The following NAA15 variants were observed in gnomAD, a reference collection of about 807,000 sequenced individuals.
NAA15 encodes N-alpha-acetyltransferase 15, NatA auxiliary subunit.
A neutral mutation model predicts 114.0 loss-of-function variants in NAA15; 34 were observed. The observed-to-expected ratio is 0.30, with a 90% CI of 0.23 to 0.40. The LOEUF is 0.40. Among genes scored for constraint, NAA15 ranks in the 10% least tolerant of loss-of-function variants. The pLI is 1.00. For missense variants in NAA15, 658 were observed against 1,004.5 expected (o/e 0.66, Z 4.66); for synonymous variants, 340 against 338.0 (o/e 1.01, Z -0.06).
intron 13 of NAA15, among the ~76,000 whole-genome samples, chr4:139,360,954 GTTCA>G (rs1270768191): frequency 6.6e-6 from 1 of 152,080 alleles, no homozygotes; most frequent in African/African-American, 2.4e-5. Context: ...CTAGGACCCT[GTTCA>G]TTGTAGAATT....
Position 139,351,511 on chromosome 4 carries a change from A to C in NAA15, c.914A>C (p.Lys305Thr). 1.9e-6 allele frequency: 3 copies of C among 1,579,636 alleles called. No individual in the cohort carries two copies. Among genetic ancestry groups the C allele is most frequent in the Non-Finnish European group, 2.6e-6 (3 of 1,150,138 alleles). Residue 305 changes from lysine (K) to threonine (T), a missense_variant, in exon 9 of 20, where the codon AAG (lysine) becomes ACG (threonine). Lys to Thr is a moderately conservative substitution (Grantham distance 78). Coordinates refer to ENST00000296543, the MANE Select transcript of NAA15 (RefSeq NM_057175.5). Reference protein sequence around the residue: ...RLPLNFLSGEKFKECLDKFLR... With the variant: ...RLPLNFLSGETFKECLDKFLR... ...AGGATTTTTCTCTTCCAAGGTGAGA[A>C]GTTTAAAGAATGTTTGGATAAGTTC...
At chr4:139,309,348 CAA>C (rs1185235574) in intron 1 of NAA15, among the ~76,000 whole-genome samples, 8 of 68,706 alleles carry the variant, frequency 1.2e-4, no homozygotes, top group Admixed American at 3.1e-4. Flanking sequence ...AACTTCGTCT[CAA>C]AAAAAAAAAA....
Position 139,301,819 on chromosome 4 carries a change from C to T in NAA15, c.42C>T (p.Phe14=). The change falls in exon 1 of 20, where the codon TTC becomes TTT. Residue 14 remains phenylalanine, a synonymous_variant. Coordinates refer to ENST00000296543, the MANE Select transcript of NAA15 (RefSeq NM_057175.5). ...TCCCGCCCAAGGAGAATGCGCTCTT[C>T]AAGCGGATCTTGGTAAGTGTGAGGC... ...VSLPPKENAL[F]KRILRCYEHK... is the part of the protein sequence containing the mutation. 6.3e-7 allele frequency: 1 copy of T among 1,593,936 alleles called. No homozygotes were observed. The highest frequency in any genetic ancestry group is 8.5e-7 in the Non-Finnish European group (1 of 1,170,046).
intron 17 of NAA15, among the ~76,000 whole-genome samples, chr4:139,379,942 G>A (rs1246423774): frequency 6.6e-6 from 1 of 152,150 alleles, no homozygotes. Context: ...CTATTCAGGA[G>A]GGTGAGGCAG....
At chr4:139,307,014 A>C (rs1403880679) in intron 1 of NAA15, among the ~76,000 whole-genome samples, 2 of 152,204 alleles carry the variant, frequency 1.3e-5, no homozygotes, top group Non-Finnish European at 2.9e-5. Context: ...CTTTAGCCTG[A>C]ATGATTTAAA....
At chr4:139,367,396 T>TC (rs1475627604) in intron 14 of NAA15, among the ~76,000 whole-genome samples, 2 of 152,218 alleles carry the variant, frequency 1.3e-5, no homozygotes, top group Admixed American at 1.3e-4. Flanking sequence ...TTTTCAGTAT[T>TC]CTGACCAGTA....
Position 139,370,322 on chromosome 4 carries a change from G to T in NAA15, c.1865G>T (p.Arg622Ile). The change falls in exon 15 of 20, where the codon AGA (arginine) becomes ATA (isoleucine). Residue 622 changes from arginine (R) to isoleucine (I), a missense_variant. Around this residue, in one of 6 missense-constraint regions of NAA15, gnomAD observed 275 missense variants for 371.1 expected, o/e 0.74. Coordinates refer to ENST00000296543, the MANE Select transcript of NAA15 (RefSeq NM_057175.5). ...KKNAEKEKQQ[R>I]NQKKKKDDDD... ...AATGCAGAAAAAGAAAAGCAGCAGA[G>T]AAATCAGAAAAAGAAGAAGGATGAT... 6.3e-7 allele frequency: 1 copy of T among 1,598,688 alleles called. No homozygotes were observed. The highest frequency in any genetic ancestry group is 8.5e-7 in the Non-Finnish European group (1 of 1,171,806).
chr4:139,324,172 C>G (rs1227098144), intron 1 of NAA15, among the ~76,000 whole-genome samples: 1 of 152,184 alleles, frequency 6.6e-6, no homozygotes, highest in East Asian at 1.9e-4. Context: ...ATGAGTCCAG[C>G]CCAGTTTGTT....
At chr4:139,327,401 T>G (rs1016975744) in intron 1 of NAA15, among the ~76,000 whole-genome samples, 2 of 152,048 alleles carry the variant, frequency 1.3e-5, no homozygotes, top group African/African-American at 4.8e-5. Flanking sequence ...AGGCGTGCGC[T>G]GCCACGCCCA....
At chr4:139,338,750 C>T (rs572931555) in intron 3 of NAA15, among the ~76,000 whole-genome samples, 1 of 149,962 alleles carries the variant, frequency 6.7e-6, no homozygotes, top group South Asian at 2.1e-4. Flanking sequence ...GCCTGGCCAA[C>T]ATTCTGTATT....
In NAA15 at chr4:139,376,347, A is replaced by T. The variant is rs1445196207; in HGVS notation, c.1948-18A>T. On this transcript the variant is annotated intron_variant, in intron 15 of 19. Coordinates refer to ENST00000296543, the MANE Select transcript of NAA15 (RefSeq NM_057175.5). ...AGAACCTTAGTTTCATTTGTATAAT[A>T]TCTTTTATTTTTGTTAGGTTGAAAC... The T allele has an allele frequency of 4.9e-6, 7 of 1,423,894 alleles. No individual in the cohort carries two copies. Among genetic ancestry groups the T allele is most frequent in the Non-Finnish European group, 5.9e-6 (6 of 1,012,774 alleles). The allele number at this position is 1,423,894 out of a possible 1,614,324, so 88.2% of individuals were successfully genotyped here. A position where few individuals can be genotyped will look rare whatever the true frequency, so the allele number is the denominator to read the frequency against.
chr4:139,338,228 A>G (rs1747262311), intron 3 of NAA15, among the ~76,000 whole-genome samples: 1 of 152,176 alleles, frequency 6.6e-6, no homozygotes, highest in African/African-American at 2.4e-5. Flanking sequence ...AGGTAATGGG[A>G]GCTAGATTTT....
chr4:139,329,940 G>A (rs1746945658), intron 1 of NAA15, among the ~76,000 whole-genome samples: 1 of 152,160 alleles, frequency 6.6e-6, no homozygotes, highest in South Asian at 2.1e-4. Context: ...GTAAAGTGGT[G>A]GCATTACTAG....
At chr4:139,372,338 C>A (rs1025464937) in intron 15 of NAA15, among the ~76,000 whole-genome samples, 2 of 152,088 alleles carry the variant, frequency 1.3e-5, no homozygotes, top group South Asian at 4.1e-4. Context: ...TCCTTGGGTC[C>A]AGGGTGTCAT....
chr4:139,336,989 G>A (rs375636865), intron 3 of NAA15, 37 bp downstream of exon 3: 278 of 1,396,384 alleles, frequency 2.0e-4, no homozygotes, highest in Admixed American at 7.5e-4. Context: ...TTTGAGTGGG[G>A]TGTTTTGAGC....
chr4:139,344,431 T>A (rs923347948), intron 6 of NAA15, 92 bp downstream of exon 6: 3 of 1,061,840 alleles, frequency 2.8e-6, no homozygotes, highest in Non-Finnish European at 4.1e-6. Flanking sequence ...TTCATATAAT[T>A]CAGCTTTTTG....
chr4:139,326,351 T>G (rs1233228408), intron 1 of NAA15, among the ~76,000 whole-genome samples: 1 of 152,178 alleles, frequency 6.6e-6, no homozygotes, highest in African/African-American at 2.4e-5. Flanking sequence ...ATCATTAAGA[T>G]TAAATAAATT....
rs569002335 is a variant in NAA15, at chr4:139,384,086, C to G, written c.2156-746C>G. Among the ~76,000 whole-genome samples, 4 of 152,280 alleles carry G rather than the reference C, an allele frequency of 2.6e-5. No homozygotes were observed. The East Asian group carries it at 7.7e-4, about 29-fold the overall frequency. The stretch of plus-strand genomic sequence containing the variant: ...TGTGAAACTACTTGTTTTGTCATCT[C>G]CTTTGCTTACAGTTCCTTTCTGGAA... On this transcript the variant is annotated intron_variant, in intron 17 of 19. Coordinates refer to ENST00000296543, the MANE Select transcript of NAA15 (RefSeq NM_057175.5).
chr4:139,360,667 T>A (rs1170861335), intron 13 of NAA15, 39 bp downstream of exon 13: 3 of 1,527,152 alleles, frequency 2.0e-6, no homozygotes, highest in Non-Finnish European at 2.6e-6. Flanking sequence ...TGTTTTATTC[T>A]GTCGATGGTT....
Sources: allele counts gnomAD v4.1 joint callset (sites outside exome capture counted in the v4.1 genomes callset), GRCh38; gene constraint gnomAD v4.1.1; regional missense constraint gnomAD v4.1.1; transcripts MANE v1.5; gene names NCBI Gene and HGNC (gene_info 2026-07-23, HGNC 2026-07-21).